Variants in BPIFB2 observed in about 807,000 individuals in gnomAD.
BPIFB2 encodes the protein BPI fold-containing family B member 2.
BPIFB2 carries 39 observed loss-of-function variants against 50.1 expected under a neutral mutation model. That is an observed-to-expected ratio of 0.78 (90% confidence interval 0.60 to 1.02). BPIFB2 has a LOEUF of 1.02. Among genes scored for constraint, BPIFB2 ranks in the 50% least tolerant of loss-of-function variants. BPIFB2 has a pLI of 0.00. For synonymous variants in BPIFB2, 280 were observed against 256.3 expected, an observed-to-expected ratio of 1.09 and a Z score of -0.88; for missense variants, 574 against 585.8, an observed-to-expected ratio of 0.98 and a Z score of 0.21.
At chr20:33,023,123 A>G (rs1978737823) in intron 15 of BPIFB2, among the ~76,000 whole-genome samples, 1 of 152,186 alleles carries the variant, frequency 6.6e-6, no homozygotes, top group South Asian at 2.1e-4. Flanking sequence ...AGTGCCTTCC[A>G]TGGGGGTCTC....
At position 33,020,680 on chromosome 20, in the gene BPIFB2, C is replaced by T. The variant is rs559920189; in HGVS notation, c.1194+93C>T. ...AGATGGCTGTGTACATGTGCTGACC[C>T]GTGTGCCTGTGTGTGCCACTATAGT... is the stretch of plus-strand genomic sequence containing the variant. On this transcript the variant is annotated intron_variant, in intron 13 of 15. Coordinates refer to ENST00000170150, the MANE Select transcript of BPIFB2 (RefSeq NM_025227.3). 10 of 1,402,606 alleles carry T rather than the reference C, an allele frequency of 7.1e-6. No individual in the cohort carries two copies. In the Admixed American group the frequency reaches 9.7e-5, roughly 14 times the overall value. The allele number at this position is 1,402,606 out of a possible 1,614,324, so 86.9% of individuals were successfully genotyped here.
At position 33,012,888 on chromosome 20, in the gene BPIFB2, T is replaced by C; in HGVS notation, c.289T>C (p.Phe97Leu). The change falls in exon 4 of 16, where the codon TTT (phenylalanine) becomes CTT (leucine). Residue 97 changes from phenylalanine (F) to leucine (L), a missense_variant. Coordinates refer to ENST00000170150, the MANE Select transcript of BPIFB2 (RefSeq NM_025227.3). ...AGTGCGCCTGCTGGCAGCAGCTAAT[T>C]TTACTTTCAAGGTCTTTCGGTGAGC... is the stretch of plus-strand genomic sequence containing the variant. ...FGVRLLAAAN[F>L]TFKVFRAPEP... The C allele has an allele frequency of 6.2e-7, 1 of 1,613,340 alleles. No individual in the cohort carries two copies. Among genetic ancestry groups the C allele is most frequent in the South Asian group, 1.1e-5 (1 of 91,056 alleles).
At chr20:33,020,785 C>T (rs931091717) in intron 13 of BPIFB2, among the ~76,000 whole-genome samples, 198 bp downstream of exon 13, 1 of 152,202 alleles carries the variant, frequency 6.6e-6, no homozygotes, top group Admixed American at 6.5e-5. Context: ...GATGACTTGT[C>T]ACCCAGCCCT....
intron 1 of BPIFB2, among the ~76,000 whole-genome samples, chr20:33,008,057 C>T (rs1016737307): frequency 6.6e-6 from 1 of 152,152 alleles, no homozygotes; most frequent in African/African-American, 2.4e-5. Flanking sequence ...CATTTACCAC[C>T]TGGCCAGGAG....
At chr20:33,012,173 G>A (rs917785428) in intron 3 of BPIFB2, among the ~76,000 whole-genome samples, 4 of 152,242 alleles carry the variant, frequency 2.6e-5, no homozygotes, top group Admixed American at 6.5e-5. Flanking sequence ...AATACCCAGC[G>A]ACCAAAGATG....
rs781470136 is a variant in BPIFB2, at chr20:33,017,118, C to CAGGGG, written c.577+22_577+26dup. On this transcript the variant is annotated intron_variant, in intron 7 of 15. Transcript: ENST00000170150. ...ACCTTAATTGGTAAGATCTGGGAGCCAGGGGAGGGGGCTGGGGCCTCTGGG... is the reference window on the plus strand; with the variant it reads ...ACCTTAATTGGTAAGATCTGGGAGCCAGGGGAGGGGAGGGGGCTGGGGCCTCTGGG... The CAGGGG allele has an allele frequency of 2.5e-6, 4 of 1,612,726 alleles. No individual in the cohort carries two copies. The Admixed American group carries it at 6.7e-5, about 27-fold the overall frequency.
chr20:33,014,825 G>T (rs1464548387), intron 5 of BPIFB2, among the ~76,000 whole-genome samples: 1 of 152,252 alleles, frequency 6.6e-6, no homozygotes, highest in African/African-American at 2.4e-5. Flanking sequence ...GGCAGGGGAT[G>T]CTCACAGCTT....
intron 5 of BPIFB2, among the ~76,000 whole-genome samples, chr20:33,015,197 C>T (rs1330287782): frequency 6.6e-6 from 1 of 152,204 alleles, no homozygotes; most frequent in Non-Finnish European, 1.5e-5. Context: ...TCTCACGCGC[C>T]ACATTCTTGG....
rs373846957 is a variant in BPIFB2 at position 33,018,992 on chromosome 20, G to T, written c.856-70G>T. 9 of 1,605,230 alleles carry T rather than the reference G, an allele frequency of 5.6e-6. 1 individual carries two copies. The East Asian group carries it at 1.1e-4, about 20-fold the overall frequency. On this transcript the variant is annotated intron_variant, in intron 9 of 15. Transcript: ENST00000170150. ...GGGCTATGGGGAGCGATTGCTCAGG[G>T]GGAAAGTGGTGATCTGTCTTGGGGA... is the stretch of plus-strand genomic sequence containing the variant.
chr20:33,016,015 CTAT>C (rs1053642796), intron 6 of BPIFB2, among the ~76,000 whole-genome samples: 7 of 152,088 alleles, frequency 4.6e-5, no homozygotes, highest in Non-Finnish European at 1.0e-4. Flanking sequence ...GTGGGTGCTG[CTAT>C]TATTATTACT....
chr20:33,012,976 C>A, intron 4 of BPIFB2, 69 bp downstream of exon 4: 1 of 1,342,554 alleles, frequency 7.4e-7, no homozygotes, highest in Non-Finnish European at 1.1e-6. Flanking sequence ...AGTGAGGGGA[C>A]GGGGGGTAGC....
chr20:33,020,297 C>A (rs1325041299), intron 11 of BPIFB2, 31 bp from the exon 12 acceptor site: 2 of 1,607,026 alleles, frequency 1.2e-6, no homozygotes, highest in Admixed American at 1.7e-5. Context: ...TGGCTCTGTG[C>A]CCTCTGACCC....
intron 7 of BPIFB2, among the ~76,000 whole-genome samples, 166 bp from the exon 8 acceptor site, chr20:33,018,093 C>A (rs1168039985): frequency 1.3e-5 from 2 of 152,200 alleles, no homozygotes; most frequent in Non-Finnish European, 2.9e-5. Context: ...TGCACTTTGC[C>A]ACTTAAATTT....
At chr20:33,023,004 T>TG (rs924902444) in intron 15 of BPIFB2, among the ~76,000 whole-genome samples, 3 of 152,208 alleles carry the variant, frequency 2.0e-5, no homozygotes, top group African/African-American at 7.2e-5. Flanking sequence ...AGGGGAGCTA[T>TG]GGGGGGTGCC....
intron 15 of BPIFB2, 63 bp downstream of exon 15, chr20:33,021,862 G>T (rs112753031): frequency 1.1e-5 from 17 of 1,481,214 alleles, no homozygotes; most frequent in African/African-American, 1.1e-4. Flanking sequence ...TTGAGGTGGG[G>T]GTCACCTCTC....
In BPIFB2 at chr20:33,008,025, T is replaced by C. The variant is rs141732870; in HGVS notation, c.-35+265T>C. Among the ~76,000 whole-genome samples the C allele has an allele frequency of 6.7e-3, 1,016 of 152,174 alleles. 7 individuals are homozygous for C. The highest frequency in any genetic ancestry group is 8.7e-3 in the Admixed American group (133 of 15,300). ...CTGAGTCAGGAGAGGATGGGGGCCA[T>C]GTGAGAGGCCTACTCTTAGGCCATT... On this transcript the variant is annotated intron_variant, in intron 1 of 15. Coordinates refer to ENST00000170150, the MANE Select transcript of BPIFB2 (RefSeq NM_025227.3).
Position 33,013,924 on chromosome 20 carries a change from G to T in BPIFB2, c.423G>T (p.Ser141=), listed in dbSNP as rs533041937. 8.7e-6 allele frequency: 14 copies of T among 1,613,840 alleles called. No individual in the cohort carries two copies. The East Asian group carries it at 2.9e-4, about 33-fold the overall frequency. ...VVSISACSLF[S]GHANEFDGSN... Reference sequence around the variant, plus strand: ...GCATCTCTGCCTGCTCTTTATTCTCGGGCCACGCCAACGAGTTTGATGGCA... The same window carrying T: ...GCATCTCTGCCTGCTCTTTATTCTCTGGCCACGCCAACGAGTTTGATGGCA... The change falls in exon 5 of 16, where the codon TCG becomes TCT. Residue 141 remains serine, a synonymous_variant. Transcript: ENST00000170150.
At chr20:33,014,726 C>T (rs1196179200) in intron 5 of BPIFB2, among the ~76,000 whole-genome samples, 1 of 152,222 alleles carries the variant, frequency 6.6e-6, no homozygotes, top group Non-Finnish European at 1.5e-5. Flanking sequence ...TGAGCTTTCT[C>T]CCCAGAGAGG....
At position 33,023,431 on chromosome 20, in the gene BPIFB2, C is replaced by T. The variant is rs185869403; in HGVS notation, c.*48C>T. 77 of 1,592,150 alleles carry T rather than the reference C, an allele frequency of 4.8e-5. No homozygotes were observed. Among genetic ancestry groups the T allele is most frequent in the East Asian group, 2.7e-4 (12 of 44,746 alleles). Reference sequence around the variant, plus strand: ...AGAGTGGGCCAGCTCGCTGCTCAGGCGAATTTCTCATTTCAAGCCACTGGG... The same window carrying T: ...AGAGTGGGCCAGCTCGCTGCTCAGGTGAATTTCTCATTTCAAGCCACTGGG... On this transcript the variant is annotated 3_prime_UTR_variant, in exon 16 of 16. Transcript: ENST00000170150.
Sources: allele counts gnomAD v4.1 joint callset (sites outside exome capture counted in the v4.1 genomes callset), GRCh38; gene constraint gnomAD v4.1.1; transcripts MANE v1.5; gene names NCBI Gene and HGNC (gene_info 2026-07-23, HGNC 2026-07-21).